The following LIAS variants were observed in gnomAD, a reference collection of about 807,000 sequenced individuals.
LIAS encodes the protein lipoic acid synthetase.
In LIAS, 36 loss-of-function variants were observed where a neutral mutation model predicts 49.4. The ratio of observed to expected loss-of-function variants is 0.73; its 90% CI spans 0.56 to 0.96. The LOEUF (loss-of-function observed/expected upper bound fraction) is 0.96. LIAS is among the 40% of genes least tolerant of loss of function. The pLI is 0.00. For missense variants in LIAS, 399 were observed against 456.3 expected (o/e 0.87, Z 1.14); for synonymous variants, 145 against 155.8 (o/e 0.93, Z 0.52).
In LIAS at chr4:39,461,789, G is replaced by A. The variant is rs557049289; in HGVS notation, c.219-407G>A. Among the ~76,000 whole-genome samples the A allele has an allele frequency of 2.0e-5, 3 of 152,188 alleles. No homozygotes were observed. In the South Asian group the frequency reaches 6.2e-4, roughly 32 times the overall value. On this transcript the variant is annotated intron_variant, in intron 2 of 10. Coordinates refer to ENST00000640888, the MANE Select transcript of LIAS (RefSeq NM_006859.4). ...GGCTCACTGCAAGCTCCGCCTCCTG[G>A]GTTCAAGGGATTCTTCTGCCTAAGC...
At chr4:39,470,486 C>G (rs1172750319) in intron 8 of LIAS, 1 of 234,610 alleles carries the variant, frequency 4.3e-6, no homozygotes, top group East Asian at 9.7e-5. Flanking sequence ...TATCATTGGA[C>G]ACTTTTGGAG....
At chr4:39,462,943 C>T (rs1744593374) in intron 3 of LIAS, among the ~76,000 whole-genome samples, 1 of 152,260 alleles carries the variant, frequency 6.6e-6, no homozygotes, top group Non-Finnish European at 1.5e-5. Context: ...GCTGAGATGG[C>T]ACCACTGCAC....
At chr4:39,461,406 C>T (rs1744492168) in intron 2 of LIAS, among the ~76,000 whole-genome samples, 1 of 152,174 alleles carries the variant, frequency 6.6e-6, no homozygotes, top group African/African-American at 2.4e-5. Context: ...CCTTCTATAT[C>T]ACAAGTGGAT....
In LIAS at chr4:39,463,552, A is replaced by G; in HGVS notation, c.340A>G (p.Ile114Val). Residue 114 changes from isoleucine to valine, a missense_variant, in exon 4 of 11, where the codon ATT (isoleucine) becomes GTT (valine). Coordinates refer to ENST00000640888, the MANE Select transcript of LIAS (RefSeq NM_006859.4). ...ATGTGAGGAAGCTCGATGTCCCAATATTGGAGAGTGTTGGGGAGGTGGAGA... is the reference window on the plus strand; with the variant it reads ...ATGTGAGGAAGCTCGATGTCCCAATGTTGGAGAGTGTTGGGGAGGTGGAGA... ...TVCEEARCPNIGECWGGGEYA... is the reference protein window; with the variant it reads ...TVCEEARCPNVGECWGGGEYA... 1 of 1,611,508 alleles carries G rather than the reference A, an allele frequency of 6.2e-7. No individual in the cohort carries two copies. The highest frequency in any genetic ancestry group is 1.3e-5 in the African/African-American group (1 of 74,956).
intron 10 of LIAS, chr4:39,476,794 A>G (rs781426138): frequency 2.6e-6 from 1 of 378,012 alleles, no homozygotes; most frequent in Non-Finnish European, 4.7e-6. Context: ...AGACCCATAT[A>G]TACAGTAGGG....
At chr4:39,462,340 A>C in intron 3 of LIAS, 51 bp downstream of exon 3, 1 of 779,402 alleles carries the variant, frequency 1.3e-6, no homozygotes. Flanking sequence ...CCATGTTTCT[A>C]CGTTTATATA....
chr4:39,477,182 G>A lies in LIAS; in HGVS notation c.*67G>A. The stretch of plus-strand genomic sequence containing the variant: ...TTGATTCCAGTTAATAACAGAGGTG[G>A]TGCCAGAATGCCTGGACTGCAGTGG... On this transcript the variant is annotated 3_prime_UTR_variant, in exon 11 of 11. Coordinates refer to ENST00000640888, the MANE Select transcript of LIAS (RefSeq NM_006859.4). 1 of 1,232,248 alleles carries A rather than the reference G, an allele frequency of 8.1e-7. No homozygotes were observed. Among genetic ancestry groups the A allele is most frequent in the East Asian group, 2.4e-5 (1 of 41,714 alleles). The allele number at this position is 1,232,248 out of a possible 1,614,324, so 76.3% of individuals were successfully genotyped here.
At chr4:39,469,469 C>G (rs1189048966) in intron 7 of LIAS, 1 of 152,228 alleles carries the variant, frequency 6.6e-6, no homozygotes, top group Non-Finnish European at 1.5e-5. Context: ...TAGGACACAG[C>G]CTGTTCCAAC....
At chr4:39,467,082 A>G (rs1010111155) in intron 6 of LIAS, 1 of 152,254 alleles carries the variant, frequency 6.6e-6, no homozygotes, top group Non-Finnish European at 1.5e-5. Flanking sequence ...GCATGATTTG[A>G]TGACTTTTTA....
intron 7 of LIAS, chr4:39,468,502 A>ATATATATAT (rs1553934636): frequency 8.0e-6 from 1 of 125,186 alleles, no homozygotes; most frequent in African/African-American, 3.0e-5. Context: ...GGAAAAAAAA[A>ATATATATAT]ATATATATAT....
intron 7 of LIAS, chr4:39,468,088 GTTGT>G (rs1744827361): frequency 6.6e-6 from 1 of 151,914 alleles, no homozygotes; most frequent in Non-Finnish European, 1.5e-5. Context: ...ATTTCAATAA[GTTGT>G]TTGTTTCCCC....
At chr4:39,472,534 TA>T (rs1380831360) in intron 9 of LIAS, among the ~76,000 whole-genome samples, 3 of 152,254 alleles carry the variant, frequency 2.0e-5, no homozygotes, top group African/African-American at 7.2e-5. Context: ...AAAAAGAATT[TA>T]AAAGTTGGGA....
At chr4:39,462,317 T>G in intron 3 of LIAS, 28 bp downstream of exon 3, 1 of 1,114,244 alleles carries the variant, frequency 9.0e-7, no homozygotes, top group Non-Finnish European at 1.3e-6. Context: ...AAACTATCCC[T>G]CTTCACCAAA....
chr4:39,461,958 G>C (rs1020630611), intron 2 of LIAS, among the ~76,000 whole-genome samples: 1 of 152,178 alleles, frequency 6.6e-6, no homozygotes, highest in Non-Finnish European at 1.5e-5. Flanking sequence ...CTCCCAAAGT[G>C]CTGGGATTAC....
In LIAS at chr4:39,465,151, A is replaced by G. The variant is rs756842628; in HGVS notation, c.499A>G (p.Ile167Val). The G allele has an allele frequency of 5.0e-6, 8 of 1,614,070 alleles. No individual in the cohort carries two copies. Among genetic ancestry groups the G allele is most frequent in the South Asian group, 3.3e-5 (3 of 91,094 alleles). Residue 167 changes from isoleucine to valine, a missense_variant, in exon 5 of 11, where the codon ATT (isoleucine) becomes GTT (valine). By Grantham distance (29) the Ile-to-Val change is conservative. This residue lies in a region of LIAS where 234 missense variants were observed against 292.2 expected (regional missense o/e 0.80). Transcript: ENST00000640888. Reference sequence around the variant, plus strand: ...TGAGCCCTACAATACTGCAAAGGCAATTGCAGAATGGGGTCTGGATTATGT... The same window carrying G: ...TGAGCCCTACAATACTGCAAAGGCAGTTGCAGAATGGGGTCTGGATTATGT... ...ASEPYNTAKA[I>V]AEWGLDYVVL... is the part of the protein sequence containing the mutation.
intron 10 of LIAS, chr4:39,473,761 T>G (rs934667176): frequency 6.6e-6 from 1 of 152,218 alleles, no homozygotes; most frequent in Non-Finnish European, 1.5e-5. Context: ...CTAGCTACAA[T>G]GCAAATTTTT....
chr4:39,471,993 A>G (rs539306616), intron 9 of LIAS, among the ~76,000 whole-genome samples: 1 of 152,156 alleles, frequency 6.6e-6, no homozygotes, highest in Admixed American at 6.5e-5. Context: ...CCAAAAAAAC[A>G]TAACTACTAA....
In LIAS at chr4:39,463,550, AT is replaced by A; in HGVS notation, c.339del (p.Asn113LysfsTer20). On this transcript the variant is annotated frameshift_variant, in exon 4 of 11. Transcript: ENST00000640888. LOFTEE classifies it high-confidence loss of function. ...GTATGTGAGGAAGCTCGATGTCCCAATATTGGAGAGTGTTGGGGAGGTGGAG... is the reference window on the plus strand; with the variant it reads ...GTATGTGAGGAAGCTCGATGTCCCAAATTGGAGAGTGTTGGGGAGGTGGAG... ...HTVCEEARCP[N>X]IGECWGGGEY... is the part of the protein sequence containing the mutation. The A allele has an allele frequency of 1.2e-6, 2 of 1,611,304 alleles. No homozygotes were observed. Among genetic ancestry groups the A allele is most frequent in the Non-Finnish European group, 1.7e-6 (2 of 1,178,250 alleles).
chr4:39,465,668 A>G (rs1404489852), intron 6 of LIAS, among the ~76,000 whole-genome samples: 2 of 146,240 alleles, frequency 1.4e-5, no homozygotes, highest in Non-Finnish European at 3.0e-5. Flanking sequence ...CTTAGTAATG[A>G]TTTTTTTTTT....
Sources: gnomAD v4.1 joint callset for allele counts (sites outside exome capture counted in the v4.1 genomes callset) on GRCh38, gnomAD v4.1.1 for gene constraint, gnomAD v4.1.1 regional missense constraint, MANE v1.5 for transcripts, NCBI Gene and HGNC (gene_info 2026-07-23, HGNC 2026-07-21) for gene names.